THSD4: variants seen among roughly 807,000 people sequenced by gnomAD.
THSD4 encodes thrombospondin type-1 domain-containing protein 4.
Under a neutral mutation model 119.0 loss-of-function variants are expected in THSD4, and 69 were observed. The ratio of observed to expected loss-of-function variants is 0.58; its 90% CI spans 0.48 to 0.71. The LOEUF is 0.71. THSD4 is among the 30% of genes least tolerant of loss of function. The pLI, the probability that THSD4 is intolerant of heterozygous loss-of-function variation, is 0.00. For missense variants in THSD4, 1,393 were observed against 1,391.1 expected, an observed-to-expected ratio of 1.00 and a Z score of -0.02; for synonymous variants, 524 against 540.4, an observed-to-expected ratio of 0.97 and a Z score of 0.42.
chr15:71,391,242 G>T (rs1366832580), intron 6 of THSD4, among the ~76,000 whole-genome samples: 1 of 152,082 alleles, frequency 6.6e-6, no homozygotes, highest in East Asian at 1.9e-4. Context: ...TGTTAGCCAG[G>T]ATGGTCTTGA....
At chr15:71,460,453 A>T (rs1318328882) in intron 7 of THSD4, among the ~76,000 whole-genome samples, 1 of 151,888 alleles carries the variant, frequency 6.6e-6, no homozygotes, top group Non-Finnish European at 1.5e-5. Context: ...TGAATTTATT[A>T]TGCCTTTGCC....
intron 6 of THSD4, among the ~76,000 whole-genome samples, chr15:71,274,265 T>C (rs934386049): frequency 7.2e-5 from 11 of 152,242 alleles, no homozygotes; most frequent in Admixed American, 3.9e-4. Flanking sequence ...TGTCATTTCA[T>C]CATTCAGCTG....
intron 14 of THSD4, among the ~76,000 whole-genome samples, chr15:71,751,709 C>A (rs535727563): frequency 1.9e-4 from 29 of 150,750 alleles, no homozygotes; most frequent in African/African-American, 7.1e-4. Flanking sequence ...GCTCTGTTGC[C>A]CAGGCTGGAC....
intron 7 of THSD4, among the ~76,000 whole-genome samples, chr15:71,627,692 C>A (rs2050535603): frequency 6.6e-6 from 1 of 152,100 alleles, no homozygotes; most frequent in African/African-American, 2.4e-5. Context: ...ATGAGAATTA[C>A]AGATTATTTT....
rs2053980111 is a variant in THSD4 at position 71,780,479 on chromosome 15, C to G, written c.*3105C>G. ...TCCACCCTCACGATGACTTGCGGTT[C>G]TCTCTGTAGAAAAGGGATGGCCTAA... On this transcript the variant is annotated 3_prime_UTR_variant, in exon 18 of 18. Transcript: ENST00000261862. 8.2e-6 allele frequency: 2 copies of G among 245,308 alleles called. No individual in the cohort carries two copies. The highest frequency in any genetic ancestry group is 8.5e-5 in the East Asian group (1 of 11,774). The allele number at this position is 245,308 out of a possible 1,614,324, so 15.2% of individuals were successfully genotyped here. A position where few individuals can be genotyped will look rare whatever the true frequency, so the allele number is the denominator to read the frequency against.
chr15:71,138,591 C>T (rs2040571959), intron 1 of THSD4, among the ~76,000 whole-genome samples: 1 of 152,056 alleles, frequency 6.6e-6, no homozygotes, highest in Admixed American at 6.6e-5. Context: ...TCTCCTGCCA[C>T]ATTGCTTCCT....
chr15:71,374,560 G>C (rs142573230), intron 6 of THSD4, among the ~76,000 whole-genome samples: 1 of 152,152 alleles, frequency 6.6e-6, no homozygotes, highest in Admixed American at 6.5e-5. Flanking sequence ...TACCAGTTCT[G>C]CTGTTAGAAA....
intron 17 of THSD4, 122 bp from the exon 18 acceptor site, chr15:71,777,110 C>A: frequency 8.8e-7 from 1 of 1,133,250 alleles, no homozygotes; most frequent in South Asian, 1.4e-5. Flanking sequence ...ACATTCATAC[C>A]CCACAATGGT....
At chr15:71,260,888 G>A (rs1222093326) in intron 6 of THSD4, among the ~76,000 whole-genome samples, 2 of 152,118 alleles carry the variant, frequency 1.3e-5, no homozygotes, top group African/African-American at 2.4e-5. Context: ...ATCACCTGAG[G>A]TCGGGAGTTC....
intron 6 of THSD4, among the ~76,000 whole-genome samples, chr15:71,390,258 G>C (rs555913656): frequency 1.3e-5 from 2 of 152,236 alleles, no homozygotes; most frequent in South Asian, 4.2e-4. Context: ...GCTTAAGAGA[G>C]CTCATATTAC....
At chr15:71,321,115 T>C (rs1027809426) in intron 6 of THSD4, among the ~76,000 whole-genome samples, 3 of 152,188 alleles carry the variant, frequency 2.0e-5, no homozygotes, top group Admixed American at 1.3e-4. Context: ...ATTCCCCGTT[T>C]TATAGATGTA....
At chr15:71,391,058 G>A (rs1054799047) in intron 6 of THSD4, among the ~76,000 whole-genome samples, 27 of 139,130 alleles carry the variant, frequency 1.9e-4, no homozygotes, top group African/African-American at 6.5e-4. Context: ...AGACCATGTC[G>A]CGCTCTGTCG....
chr15:71,611,094 T>TA, intron 7 of THSD4, among the ~76,000 whole-genome samples: 1 of 152,334 alleles, frequency 6.6e-6, no homozygotes, highest in East Asian at 1.9e-4. Context: ...CGAGTTAAAA[T>TA]AAAAATCACT....
chr15:71,226,755 G>A (rs1156331325), intron 4 of THSD4, among the ~76,000 whole-genome samples: 1 of 152,168 alleles, frequency 6.6e-6, no homozygotes, highest in African/African-American at 2.4e-5. Context: ...CCTACAGGGG[G>A]GCAGAAACCA....
At chr15:71,606,555 T>TTTA (rs2050113514) in intron 7 of THSD4, among the ~76,000 whole-genome samples, 2 of 115,814 alleles carry the variant, frequency 1.7e-5, no homozygotes, top group Admixed American at 9.3e-5. Context: ...TTATTTATTT[T>TTTA]TTGAGACGGA....
rs77005474 is a variant in THSD4 at position 71,137,118 on chromosome 15, G to T, written c.-79-4331G>T. On this transcript the variant is annotated intron_variant, in intron 1 of 17. Transcript: ENST00000261862. ...CTCCCAAGGAGCATATGTTCTAACA[G>T]AAACTAGATTGTTAGATTTTTTGTT... Among the ~76,000 whole-genome samples, 319 of 152,306 alleles carry T rather than the reference G, an allele frequency of 2.1e-3. 2 individuals carry two copies. The highest frequency in any genetic ancestry group is 7.6e-3 in the African/African-American group (317 of 41,568).
At chr15:71,260,814 C>T (rs2044387298) in intron 6 of THSD4, among the ~76,000 whole-genome samples, 2 of 152,098 alleles carry the variant, frequency 1.3e-5, no homozygotes, top group Admixed American at 6.6e-5. Flanking sequence ...TTAAAGGTAC[C>T]CCTAGGCCAG....
At chr15:71,448,104 T>A (rs576913923) in intron 7 of THSD4, among the ~76,000 whole-genome samples, 44 of 152,302 alleles carry the variant, frequency 2.9e-4, no homozygotes, top group African/African-American at 9.6e-4. Flanking sequence ...TCTGTTAGGG[T>A]CACAAGAAGA....
chr15:71,350,883 T>A (rs1317980847), intron 6 of THSD4, among the ~76,000 whole-genome samples: 2 of 152,128 alleles, frequency 1.3e-5, no homozygotes, highest in Non-Finnish European at 2.9e-5. Context: ...TTGGTAACTC[T>A]CCTAAGAAAC....
Sources: allele counts gnomAD v4.1 joint callset (sites outside exome capture counted in the v4.1 genomes callset), GRCh38; gene constraint gnomAD v4.1.1; transcripts MANE v1.5; gene names NCBI Gene and HGNC (gene_info 2026-07-23, HGNC 2026-07-21).